The following AXIN2 variants were observed in gnomAD, a reference collection of about 807,000 sequenced individuals.
The protein encoded by AXIN2 is axin-2.
Under a neutral mutation model 74.7 loss-of-function variants are expected in AXIN2, and 21 were observed. The observed-to-expected ratio is 0.28, with a 90% CI of 0.20 to 0.40. The LOEUF is 0.40. Ranked by LOEUF, AXIN2 falls within the 10% of genes least tolerant of loss-of-function variation. The probability of loss-of-function intolerance (pLI) is 1.00; values close to 1 mark genes in which losing one functional copy is unlikely to be tolerated. For missense variants in AXIN2, 1,144 were observed against 1,111.1 expected (o/e 1.03, Z -0.42); for synonymous variants, 532 against 454.9 (o/e 1.17, Z -2.16).
intron 3 of AXIN2, among the ~76,000 whole-genome samples, chr17:65,542,477 A>T (rs913155920): frequency 3.9e-5 from 6 of 152,256 alleles, no homozygotes; most frequent in Non-Finnish European, 5.9e-5. Flanking sequence ...ATCACTGGTG[A>T]GTGGGTAAGC....
At chr17:65,541,269 C>A (rs2044037943) in intron 4 of AXIN2, among the ~76,000 whole-genome samples, 186 bp downstream of exon 4, 1 of 152,172 alleles carries the variant, frequency 6.6e-6, no homozygotes, top group Non-Finnish European at 1.5e-5. Flanking sequence ...CTGTGCTCAC[C>A]ATCACAACCC....
chr17:65,530,815 A>G (rs1229816173), intron 10 of AXIN2, among the ~76,000 whole-genome samples: 5 of 151,812 alleles, frequency 3.3e-5, no homozygotes, highest in Non-Finnish European at 5.9e-5. Flanking sequence ...AGGGTCAAAC[A>G]CCAAAGGCCC....
intron 2 of AXIN2, among the ~76,000 whole-genome samples, chr17:65,555,047 T>C (rs2044247707): frequency 6.6e-6 from 1 of 152,174 alleles, no homozygotes; most frequent in South Asian, 2.1e-4. Flanking sequence ...TCCTGCCCTC[T>C]GAGGATAATT....
intron 2 of AXIN2, among the ~76,000 whole-genome samples, chr17:65,554,945 C>T (rs2044246561): frequency 6.6e-6 from 1 of 152,136 alleles, no homozygotes; most frequent in Non-Finnish European, 1.5e-5. Context: ...GGGGATTTTA[C>T]ACGTGCTCCT....
rs761901627 is a variant in AXIN2, at chr17:65,538,310, C to G, written c.1093G>C (p.Val365Leu). The change falls in exon 5 of 11, where the codon GTG becomes CTG. Residue 365 changes from valine (V) to leucine (L), a missense_variant. Around this residue, in one of 4 missense-constraint regions of AXIN2, gnomAD observed 1,053 missense variants for 973.5 expected, o/e 1.08. Coordinates refer to ENST00000307078, the MANE Select transcript of AXIN2 (RefSeq NM_004655.4). The stretch of plus-strand genomic sequence containing the variant: ...TCAGCTGCAAAGGTGGCGGGTTCCA[C>G]GGGGGTCATCTCCTTGGGCAGGCGG... Reference protein sequence around the residue: ...THRLPKEMTPVEPATFAAELI... With the variant: ...THRLPKEMTPLEPATFAAELI... 1.3e-5 allele frequency: 21 copies of G among 1,614,172 alleles called. No homozygotes were observed. The highest frequency in any genetic ancestry group is 1.5e-5 in the Non-Finnish European group (18 of 1,180,028).
At chr17:65,548,621 C>T (rs1327713789) in intron 3 of AXIN2, among the ~76,000 whole-genome samples, 1 of 152,126 alleles carries the variant, frequency 6.6e-6, no homozygotes, top group African/African-American at 2.4e-5. Flanking sequence ...CATCCCCTAT[C>T]CCCAGGCTCC....
At chr17:65,549,440 G>A (rs2044160348) in intron 3 of AXIN2, 80 bp downstream of exon 3, 1 of 1,579,826 alleles carries the variant, frequency 6.3e-7, no homozygotes, top group Non-Finnish European at 8.6e-7. Flanking sequence ...GCCAGCTGAG[G>A]ATGACAGACG....
At chr17:65,539,818 C>CT (rs1468351161) in intron 4 of AXIN2, among the ~76,000 whole-genome samples, 2 of 152,218 alleles carry the variant, frequency 1.3e-5, no homozygotes, top group Non-Finnish European at 2.9e-5. Flanking sequence ...TGGGTGCTTT[C>CT]TTCCCCTCCC....
At chr17:65,532,400 C>T (rs1246317651) in intron 10 of AXIN2, among the ~76,000 whole-genome samples, 1 of 152,162 alleles carries the variant, frequency 6.6e-6, no homozygotes, top group Non-Finnish European at 1.5e-5. Context: ...ATTAGTTTCA[C>T]CTTGTGTCTT....
Position 65,536,463 on chromosome 17 carries a change from G to T in AXIN2, c.1998C>A (p.Asn666Lys), listed in dbSNP as rs1460508423. ...GGGGGGTGGTGCGGGGGTGCCCGCT[G>T]TTGCCCCCCCACAGATGGTGCCGGC... ...RASRHHLWGG[N>K]SGHPRTTPRA... Residue 666 changes from asparagine (N) to lysine (K), a missense_variant, in exon 8 of 11, where the codon AAC becomes AAA. Around this residue, in one of 4 missense-constraint regions of AXIN2, gnomAD observed 1,053 missense variants for 973.5 expected, o/e 1.08. Transcript: ENST00000307078. The T allele has an allele frequency of 1.2e-6, 2 of 1,613,860 alleles. No individual in the cohort carries two copies. Among genetic ancestry groups the T allele is most frequent in the African/African-American group, 2.7e-5 (2 of 75,066 alleles).
Position 65,557,889 on chromosome 17 carries a change from C to T in AXIN2, c.732G>A (p.Ser244=), listed in dbSNP as rs939121047. ...WTCADFKCKL[S]PTVVGLSSKT... ...TGCTGGACAAGCCAACCACGGTTGG[C>T]GAAAGTTTGCACTTGAAGTCGGCAC... The change falls in exon 2 of 11, where the codon TCG becomes TCA. Residue 244 remains serine (S), a synonymous_variant. Transcript: ENST00000307078. The T allele has an allele frequency of 3.1e-6, 5 of 1,614,148 alleles. No homozygotes were observed. The highest frequency in any genetic ancestry group is 2.2e-5 in the East Asian group (1 of 44,878).
chr17:65,531,850 C>A (rs1286724780), intron 10 of AXIN2, among the ~76,000 whole-genome samples: 2 of 152,226 alleles, frequency 1.3e-5, no homozygotes, highest in Non-Finnish European at 2.9e-5. Flanking sequence ...GAACCCCTGC[C>A]ATGTTGAGAT....
At chr17:65,556,292 G>A (rs1475752221) in intron 2 of AXIN2, among the ~76,000 whole-genome samples, 1 of 152,188 alleles carries the variant, frequency 6.6e-6, no homozygotes, top group Non-Finnish European at 1.5e-5. Flanking sequence ...CGGCTCTTAA[G>A]TAGTCTCAGC....
intron 1 of AXIN2, chr17:65,560,251 CCGGGCCGGGAGGAGGGACGCGAGGGACA>C (rs1462394228): frequency 6.6e-6 from 1 of 152,320 alleles, no homozygotes; most frequent in Non-Finnish European, 1.5e-5. Flanking sequence ...GGCGAGGGGC[CCGGGCCGGGAGGAGGGACGCGAGGGACA>C]CGGGCGCCCC....
Position 65,528,820 on chromosome 17 carries a change from C to A in AXIN2, c.*1156G>T. ...GCGACACACGGAGCGGGTGACCGTG[C>A]AGGTACAGGTACTGTACTGATTTAA... is the stretch of plus-strand genomic sequence containing the variant. On this transcript the variant is annotated 3_prime_UTR_variant, in exon 11 of 11. Transcript: ENST00000307078. The A allele has an allele frequency of 2.1e-6, 1 of 465,378 alleles. No homozygotes were observed. Among genetic ancestry groups the A allele is most frequent in the Non-Finnish European group, 4.0e-6 (1 of 251,998 alleles). 28.8% of individuals were successfully genotyped at this position (465,378 alleles called of 1,614,324 possible).
chr17:65,537,851 T>G lies in AXIN2; in HGVS notation c.1201-16A>C. The G allele has an allele frequency of 6.5e-7, 1 of 1,533,698 alleles. No homozygotes were observed. Among genetic ancestry groups the G allele is most frequent in the Non-Finnish European group, 8.8e-7 (1 of 1,140,476 alleles). On this transcript the variant is annotated splice_polypyrimidine_tract_variant and intron_variant, in intron 5 of 10. Transcript: ENST00000307078. ...TCTCTTCATCCTGAAAGGGAAGACG[T>G]CAGAAGGAGAAGTGACCCAGGAAGC...
In AXIN2 at chr17:65,536,528, G is replaced by A. The variant is rs1405864888; in HGVS notation, c.1933C>T (p.Pro645Ser). 4 of 1,613,838 alleles carry A rather than the reference G, an allele frequency of 2.5e-6. No homozygotes were observed. Among genetic ancestry groups the A allele is most frequent in the Admixed American group, 1.7e-5 (1 of 60,036 alleles). The change falls in exon 8 of 11, where the codon CCC becomes TCC. Residue 645 changes from proline to serine, a missense_variant. By Grantham distance (74) the Pro-to-Ser change is moderately conservative (BLOSUM62 -1). Coordinates refer to ENST00000307078, the MANE Select transcript of AXIN2 (RefSeq NM_004655.4). Reference protein sequence around the residue: ...HSAQSTKKAYPLESARSSPGE... With the variant: ...HSAQSTKKAYSLESARSSPGE... ...GGAGACGAGCGGGCAGACTCCAAGG[G>A]GTAGGCCTTTTTTGTGCTTTGGGCA...
Position 65,531,016 on chromosome 17 carries a change from C to T in AXIN2, c.2406-914G>A, listed in dbSNP as rs1011769772. On this transcript the variant is annotated intron_variant, in intron 10 of 10. Transcript: ENST00000307078. Reference sequence around the variant, plus strand: ...GAAATTAAGCAAGGGCCTCTTCCTTCCCTGTCCCCAGCCAAGGGAGACCCC... The same window carrying T: ...GAAATTAAGCAAGGGCCTCTTCCTTTCCTGTCCCCAGCCAAGGGAGACCCC... Among the ~76,000 whole-genome samples, 2 of 152,224 alleles carry T rather than the reference C, an allele frequency of 1.3e-5. 1 individual carries two copies. Among genetic ancestry groups the T allele is most frequent in the Admixed American group, 1.3e-4 (2 of 15,278 alleles).
intron 2 of AXIN2, among the ~76,000 whole-genome samples, chr17:65,556,368 G>C (rs1348150904): frequency 6.6e-6 from 1 of 152,134 alleles, no homozygotes; most frequent in African/African-American, 2.4e-5. Context: ...TCTCATAATG[G>C]GGCGGGCAGG....
Sources: gnomAD v4.1 joint callset for allele counts (sites outside exome capture counted in the v4.1 genomes callset) on GRCh38, gnomAD v4.1.1 for gene constraint, gnomAD v4.1.1 regional missense constraint, MANE v1.5 for transcripts, NCBI Gene and HGNC (gene_info 2026-07-23, HGNC 2026-07-21) for gene names.